The following SETD1A variants were observed in gnomAD, a reference collection of about 807,000 sequenced individuals.
The protein encoded by SETD1A is SET domain containing 1A, histone lysine methyltransferase, also known as histone-lysine N-methyltransferase SETD1A.
In SETD1A, 29 loss-of-function variants were observed where a neutral mutation model predicts 149.9. The ratio of observed to expected loss-of-function variants is 0.19; its 90% CI spans 0.14 to 0.26. The LOEUF is 0.26. SETD1A is among the 10% of genes least tolerant of loss of function. The probability of loss-of-function intolerance (pLI) is 1.00; values close to 1 mark genes in which losing one functional copy is unlikely to be tolerated. For missense variants in SETD1A, 2,109 were observed against 2,353.1 expected, an observed-to-expected ratio of 0.90 and a Z score of 2.15; for synonymous variants, 1,141 against 968.5, an observed-to-expected ratio of 1.18 and a Z score of -3.31.
intron 13 of SETD1A, among the ~76,000 whole-genome samples, chr16:30,975,428 CTT>C (rs1335608657): frequency 7.3e-5 from 10 of 136,408 alleles, no homozygotes; most frequent in Admixed American, 1.5e-4. Flanking sequence ...CAACCTCTCC[CTT>C]TTTTTTTTTT....
At chr16:30,968,247 A>T (rs1347167549) in intron 10 of SETD1A, among the ~76,000 whole-genome samples, 2 of 152,002 alleles carry the variant, frequency 1.3e-5, no homozygotes, top group Non-Finnish European at 2.9e-5. Flanking sequence ...TCTACTAAAA[A>T]TACAAAACAG....
chr16:30,971,094 A>T (rs1243293681), intron 12 of SETD1A, among the ~76,000 whole-genome samples: 1 of 151,952 alleles, frequency 6.6e-6, no homozygotes, highest in Non-Finnish European at 1.5e-5. Context: ...TGCAGTCCCC[A>T]TGTCTGTGTG....
Position 30,965,141 on chromosome 16 carries a change from C to G in SETD1A, c.1399C>G (p.Arg467Gly). Residue 467 changes from arginine (R) to glycine (G), a missense_variant, in exon 7 of 19, where the codon CGC becomes GGC. Arg to Gly is a moderately radical substitution (Grantham distance 125). Coordinates refer to ENST00000262519, the MANE Select transcript of SETD1A (RefSeq NM_014712.3). ...TTCCCCCCGCCCAGCCTCCCCTGCC[C>G]GCTCTGGCTCCCCAGCCCCGGAGAC... ...RTSPRPASPA[R>G]SGSPAPETTN... 1 of 1,613,116 alleles carries G rather than the reference C, an allele frequency of 6.2e-7. No individual in the cohort carries two copies. The highest frequency in any genetic ancestry group is 1.3e-5 in the African/African-American group (1 of 75,074).
intron 12 of SETD1A, 139 bp downstream of exon 12, chr16:30,969,828 C>T: frequency 1.4e-6 from 1 of 695,420 alleles, no homozygotes; most frequent in Non-Finnish European, 2.6e-6. Context: ...CTGTTTGGGC[C>T]ACATTCTTAG....
chr16:30,981,591 T>G (rs1353996675), intron 17 of SETD1A, among the ~76,000 whole-genome samples: 1 of 152,206 alleles, frequency 6.6e-6, no homozygotes, highest in East Asian at 1.9e-4. Context: ...GCCAGGATGG[T>G]CTTGATCTCC....
Position 30,964,185 on chromosome 16 carries a change from C to T in SETD1A, c.731C>T (p.Ser244Phe), listed in dbSNP as rs770463920. The T allele has an allele frequency of 3.7e-6, 6 of 1,614,088 alleles. No individual in the cohort carries two copies. In the East Asian group the frequency reaches 8.9e-5, roughly 24 times the overall value. ...ACTCCTGGCAACGGCACCCCCTGCTCCCAGGACACAAGCTTCTCCAGCAGC... is the reference window on the plus strand; with the variant it reads ...ACTCCTGGCAACGGCACCCCCTGCTTCCAGGACACAAGCTTCTCCAGCAGC... ...VGTPGNGTPC[S>F]QDTSFSSSRQ... Residue 244 changes from serine (S) to phenylalanine (F), a missense_variant, in exon 6 of 19, where the codon TCC becomes TTC. Ser to Phe is a radical substitution (Grantham distance 155). Coordinates refer to ENST00000262519, the MANE Select transcript of SETD1A (RefSeq NM_014712.3).
At position 30,965,808 on chromosome 16, in the gene SETD1A, C is replaced by T; in HGVS notation, c.1927C>T (p.Pro643Ser). 3 of 1,593,502 alleles carry T rather than the reference C, an allele frequency of 1.9e-6. No individual in the cohort carries two copies. Among genetic ancestry groups the T allele is most frequent in the South Asian group, 1.1e-5 (1 of 88,118 alleles). Residue 643 changes from proline to serine, a missense_variant, in exon 8 of 19, where the codon CCC becomes TCC. This residue lies in a region of SETD1A where 431 missense variants were observed against 388.6 expected (regional missense o/e 1.11). Transcript: ENST00000262519. Reference protein sequence around the residue: ...LLPPRPDGPPPPEYPPPPPPP... With the variant: ...LLPPRPDGPPSPEYPPPPPPP... ...CCCACCCAGACCTGATGGGCCGCCG[C>T]CCCCTGAGTACCCCCCACCTCCTCC...
In SETD1A at chr16:30,966,956, C is replaced by T. The variant is rs1259303282; in HGVS notation, c.2578C>T (p.Leu860=). ...KEKTKLKEPG[L]LSLVDWAKSG... is the part of the protein sequence containing the mutation. ...GAAGACGAAGCTGAAGGAGCCTGGC[C>T]TGCTGTCCCTCGTGGACTGGGCCAA... Residue 860 remains leucine, a synonymous_variant, in exon 9 of 19, where the codon CTG becomes TTG. Coordinates refer to ENST00000262519, the MANE Select transcript of SETD1A (RefSeq NM_014712.3). The T allele has an allele frequency of 1.3e-6, 2 of 1,584,878 alleles. No individual in the cohort carries two copies. Among genetic ancestry groups the T allele is most frequent in the Non-Finnish European group, 1.7e-6 (2 of 1,166,034 alleles).
intron 13 of SETD1A, among the ~76,000 whole-genome samples, chr16:30,978,042 G>A (rs1567361573): frequency 6.6e-6 from 1 of 151,626 alleles, no homozygotes; most frequent in Non-Finnish European, 1.5e-5. Flanking sequence ...TTGGGAGGCC[G>A]AGGCGGGCAG....
At position 30,983,141 on chromosome 16, in the gene SETD1A, G is replaced by C. The variant is rs1261158127; in HGVS notation, c.4813-494G>C. Among the ~76,000 whole-genome samples, 1 of 152,198 alleles carries C rather than the reference G, an allele frequency of 6.6e-6. No homozygotes were observed. The highest frequency in any genetic ancestry group is 2.4e-5 in the African/African-American group (1 of 41,452). Reference sequence around the variant, plus strand: ...GTGCAGAGGCTCCTCACTGTCTTCTGGGAAGTAAGGGTTGCTCCTCACACG... The same window carrying C: ...GTGCAGAGGCTCCTCACTGTCTTCTCGGAAGTAAGGGTTGCTCCTCACACG... On this transcript the variant is annotated intron_variant, in intron 17 of 18. Transcript: ENST00000262519. The surrounding 1 kb of genome is among the most constrained non-coding windows in gnomAD (Gnocchi z 6.8).
In SETD1A at chr16:30,979,823, C is replaced by A. The variant is rs778079685; in HGVS notation, c.4037C>A (p.Ala1346Glu). The A allele has an allele frequency of 6.4e-7, 1 of 1,552,672 alleles. No homozygotes were observed. Among genetic ancestry groups the A allele is most frequent in the Non-Finnish European group, 8.6e-7 (1 of 1,156,206 alleles). Residue 1346 changes from alanine (A) to glutamate (E), a missense_variant, in exon 14 of 19, where the codon GCG (alanine) becomes GAG (glutamate). Ala to Glu is a moderately radical substitution (Grantham distance 107, BLOSUM62 -1). Coordinates refer to ENST00000262519, the MANE Select transcript of SETD1A (RefSeq NM_014712.3). ...LEAPEVVVAE[A>E]EEPKPQQLQQ... ...GCCCCCGAGGTGGTGGTGGCTGAGG[C>A]GGAGGAGCCCAAGCCGCAGCAACTG... is the stretch of plus-strand genomic sequence containing the variant.
intron 1 of SETD1A, chr16:30,958,165 G>T (rs11643872): frequency 0.44 from 48,368 of 110,768 alleles, 10,404 homozygotes; most frequent in East Asian, 0.9. Flanking sequence ...GAGACCTGCT[G>T]GGGGGGGTGC....
intron 3 of SETD1A, among the ~76,000 whole-genome samples, chr16:30,960,624 G>A (rs573900799): frequency 3.4e-4 from 52 of 151,392 alleles, no homozygotes; most frequent in African/African-American, 9.7e-4. Flanking sequence ...CCAGTGCCTC[G>A]TTCATGGTAG....
chr16:30,969,626 G>A lies in SETD1A; in HGVS notation c.2953G>A (p.Glu985Lys), dbSNP rs2056199502. 1.2e-6 allele frequency: 2 copies of A among 1,614,192 alleles called. No individual in the cohort carries two copies. The highest frequency in any genetic ancestry group is 1.7e-6 in the Non-Finnish European group (2 of 1,180,008). The change falls in exon 12 of 19, where the codon GAG becomes AAG. Residue 985 changes from glutamate to lysine, a missense_variant. By Grantham distance (56) the Glu-to-Lys change is moderately conservative. This residue lies in a region of SETD1A where 832 missense variants were observed against 815.6 expected (regional missense o/e 1.02). Transcript: ENST00000262519. ...EKDEEDDEEDEEDEDREEAVD... is the reference protein window; with the variant it reads ...EKDEEDDEEDKEDEDREEAVD... ...GGATGAGGAGGATGACGAGGAAGAT[G>A]AGGAAGATGAAGATCGAGAGGAAGC...
At chr16:30,971,925 C>T (rs528952684) in intron 13 of SETD1A, among the ~76,000 whole-genome samples, 23 of 152,260 alleles carry the variant, frequency 1.5e-4, no homozygotes, top group African/African-American at 4.3e-4. Flanking sequence ...TTACAGAACC[C>T]CAGGCTAAGC....
At chr16:30,960,958 G>A (rs1034990650) in intron 3 of SETD1A, among the ~76,000 whole-genome samples, 1 of 151,714 alleles carries the variant, frequency 6.6e-6, no homozygotes, top group East Asian at 1.9e-4. Flanking sequence ...GGACAGGCTG[G>A]TCTTGAACTC....
At chr16:30,978,955 G>T (rs1432511021) in intron 13 of SETD1A, among the ~76,000 whole-genome samples, 190 bp from the exon 14 acceptor site, 1 of 152,242 alleles carries the variant, frequency 6.6e-6, no homozygotes, top group African/African-American at 2.4e-5. Context: ...GAACGAATGG[G>T]TGGGAAACCC....
At position 30,976,513 on chromosome 16, in the gene SETD1A, A is replaced by C. The variant is rs188351219; in HGVS notation, c.3359-2632A>C. Among the ~76,000 whole-genome samples the C allele has an allele frequency of 4.2e-4, 64 of 152,226 alleles. 1 individual carries two copies. The East Asian group carries it at 0.011, about 27-fold the overall frequency. On this transcript the variant is annotated intron_variant, in intron 13 of 18. Transcript: ENST00000262519. The stretch of plus-strand genomic sequence containing the variant: ...TGAGGACCTGGGGCTGTGCTGGGAC[A>C]GGAGAGGGCAAAGTACGGGCCCTGG...
chr16:30,964,418 G>A, intron 6 of SETD1A, 95 bp downstream of exon 6: 3 of 1,333,608 alleles, frequency 2.2e-6, no homozygotes, highest in Non-Finnish European at 3.1e-6. Context: ...GAGGGAGTTG[G>A]AAATAATTTG....
Sources: gnomAD v4.1 joint callset for allele counts (sites outside exome capture counted in the v4.1 genomes callset) on GRCh38, gnomAD v4.1.1 for gene constraint, gnomAD v4.1.1 regional missense constraint, Gnocchi (gnomAD v3.1) non-coding constraint, MANE v1.5 for transcripts, NCBI Gene and HGNC (gene_info 2026-07-23, HGNC 2026-07-21) for gene names.